CCDC40: variants seen among roughly 807,000 people sequenced by gnomAD.
The protein encoded by CCDC40 is coiled-coil domain 40 molecular ruler complex subunit.
CCDC40 carries 104 observed loss-of-function variants against 124.5 expected under a neutral mutation model. The observed-to-expected ratio is 0.84, with a 90% confidence interval of 0.71 to 0.98. CCDC40 has a LOEUF of 0.98. CCDC40 is among the 50% of genes least tolerant of loss of function. CCDC40 has a pLI of 0.00. For synonymous variants in CCDC40, 580 were observed against 602.9 expected, an observed-to-expected ratio of 0.96 and a Z score of 0.56; for missense variants, 1,463 against 1,503.9, an observed-to-expected ratio of 0.97 and a Z score of 0.45.
chr17:80,050,221 T>G lies in CCDC40; in HGVS notation c.1097T>G (p.Leu366Arg). 6.2e-7 allele frequency: 1 copy of G among 1,606,146 alleles called. No individual in the cohort carries two copies. Among genetic ancestry groups the G allele is most frequent in the Non-Finnish European group, 8.5e-7 (1 of 1,177,712 alleles). ...GAGCGCAGGCAGAAGGAGGAGGAGC[T>G]GCAGGCCGCCCGCGCTCTCTACACC... ...SSERRQKEEE[L>R]QAARALYTKT... The change falls in exon 7 of 20, where the codon CTG (leucine) becomes CGG (arginine). Residue 366 changes from leucine (L) to arginine (R), a missense_variant. Physicochemically the swap from Leu to Arg is moderately radical, Grantham distance 102. Coordinates refer to ENST00000397545, the MANE Select transcript of CCDC40 (RefSeq NM_017950.4).
chr17:80,039,227 C>A (rs2037208319), intron 2 of CCDC40, among the ~76,000 whole-genome samples: 1 of 151,918 alleles, frequency 6.6e-6, no homozygotes, highest in African/African-American at 2.4e-5. Context: ...ATTAACTGGG[C>A]ATGGTGGTAC....
At chr17:80,079,344 T>C (rs1205626092) in intron 10 of CCDC40, among the ~76,000 whole-genome samples, 1 of 152,198 alleles carries the variant, frequency 6.6e-6, no homozygotes, top group Non-Finnish European at 1.5e-5. Context: ...TTCATACATA[T>C]GCATTATTCT....
At chr17:80,090,833 T>C in intron 17 of CCDC40, 1 of 1,175,694 alleles carries the variant, frequency 8.5e-7, no homozygotes, top group Non-Finnish European at 1.1e-6. Context: ...TAGAAATTCC[T>C]CTGCTGAGTT....
chr17:80,076,059 A>C (rs1257932869), intron 10 of CCDC40, among the ~76,000 whole-genome samples: 1 of 152,084 alleles, frequency 6.6e-6, no homozygotes, highest in East Asian at 1.9e-4. Flanking sequence ...TGAAGATGCC[A>C]TGCGCATTGT....
chr17:80,046,665 A>T (rs2037428056), intron 3 of CCDC40, among the ~76,000 whole-genome samples: 1 of 152,008 alleles, frequency 6.6e-6, no homozygotes, highest in Admixed American at 6.6e-5. Flanking sequence ...CGCCTCGAGG[A>T]TGGGAAACCA....
intron 4 of CCDC40, 192 bp from the exon 5 acceptor site, chr17:80,048,391 T>G: frequency 1.6e-6 from 1 of 642,100 alleles, no homozygotes; most frequent in South Asian, 1.7e-5. Flanking sequence ...TTCTCTGGGA[T>G]GCATTGAGTC....
At chr17:80,080,937 C>T (rs1038465681) in intron 10 of CCDC40, among the ~76,000 whole-genome samples, 2 of 152,112 alleles carry the variant, frequency 1.3e-5, no homozygotes, top group Admixed American at 6.5e-5. Context: ...GTTCTCAACA[C>T]GAAGGAAGGA....
chr17:80,079,619 CAT>C (rs1330197464), intron 10 of CCDC40, among the ~76,000 whole-genome samples: 2 of 152,126 alleles, frequency 1.3e-5, no homozygotes, highest in Non-Finnish European at 1.5e-5. Context: ...TATCCACACA[CAT>C]TAAAAATAGA....
chr17:80,039,852 A>C lies in CCDC40; in HGVS notation c.134A>C (p.Glu45Ala). 8.1e-6 allele frequency: 13 copies of C among 1,614,014 alleles called. No homozygotes were observed. Among genetic ancestry groups the C allele is most frequent in the Non-Finnish European group, 1.1e-5 (13 of 1,179,982 alleles). ...PEKDDGQKGE[E>A]AVGSTEHPEE... ...AAGGATGATGGCCAGAAAGGTGAAG[A>C]AGCTGTCGGTAGCACAGAGCATCCT... The change falls in exon 3 of 20, where the codon GAA becomes GCA. Residue 45 changes from glutamate to alanine, a missense_variant. By Grantham distance (107) the Glu-to-Ala change is moderately radical. Coordinates refer to ENST00000397545, the MANE Select transcript of CCDC40 (RefSeq NM_017950.4).
Position 80,066,399 on chromosome 17 carries a change from A to T in CCDC40, c.1562+793A>T, listed in dbSNP as rs1432328927. 18 of 543,518 alleles carry T rather than the reference A, an allele frequency of 3.3e-5. No homozygotes were observed. In the East Asian group the frequency reaches 5.4e-4, roughly 16 times the overall value. The allele number at this position is 543,518 out of a possible 1,614,324, so 33.7% of individuals were successfully genotyped here. A position where few individuals can be genotyped will look rare whatever the true frequency, so the allele number is the denominator to read the frequency against. The stretch of plus-strand genomic sequence containing the variant: ...GTGCTGTGATTAAAGAAACAAAATG[A>T]AACCATTTTGTTTTTAAAAGTTTTT... On this transcript the variant is annotated intron_variant, in intron 10 of 19. Transcript: ENST00000397545. This position sits in a 1 kb window ranked among gnomAD's most constrained non-coding sequence, Gnocchi z 4.4.
chr17:80,081,271 GC>G (rs1287378821), intron 10 of CCDC40, among the ~76,000 whole-genome samples: 1 of 152,130 alleles, frequency 6.6e-6, no homozygotes, highest in African/African-American at 2.4e-5. Context: ...TGTAATCCCA[GC>G]CACTCAAGAG....
In CCDC40 at chr17:80,058,126, A is replaced by G. The variant is rs1168264332; in HGVS notation, c.1160-368A>G. Among the ~76,000 whole-genome samples, 1 of 152,108 alleles carries G rather than the reference A, an allele frequency of 6.6e-6. No individual in the cohort carries two copies. The highest frequency in any genetic ancestry group is 1.5e-5 in the Non-Finnish European group (1 of 68,010). On this transcript the variant is annotated intron_variant, in intron 7 of 19. Coordinates refer to ENST00000397545, the MANE Select transcript of CCDC40 (RefSeq NM_017950.4). The surrounding 1 kb of genome is among the most constrained non-coding windows in gnomAD (Gnocchi z 4.2). ...TCCCAGGGGACTTAAGACTCCACCT[A>G]AGGTTGCCAGCCTTTCAGTGGTAAG...
chr17:80,062,306 A>C (rs1198236516), intron 9 of CCDC40, among the ~76,000 whole-genome samples: 1 of 152,000 alleles, frequency 6.6e-6, no homozygotes, highest in Non-Finnish European at 1.5e-5. Flanking sequence ...TCTTATTTTA[A>C]TTTTTTTTAA....
chr17:80,070,582 C>A (rs139979509), intron 10 of CCDC40, among the ~76,000 whole-genome samples: 2 of 152,152 alleles, frequency 1.3e-5, no homozygotes, highest in Non-Finnish European at 2.9e-5. Context: ...GCCTGGGCAA[C>A]AGAGCAAGAC....
In CCDC40 at chr17:80,099,636, G is replaced by A. The variant is rs777500902; in HGVS notation, c.3290G>A (p.Arg1097His). ...TCCAAGCAGTCCCTAGTGCTGGAGC[G>A]CCAGCGCCTGGACAAGCGACTGGCT... Reference protein sequence around the residue: ...FRSKQSLVLERQRLDKRLALI... With the variant: ...FRSKQSLVLEHQRLDKRLALI... Residue 1097 changes from arginine to histidine, a missense_variant, in exon 20 of 20, where the codon CGC becomes CAC. Transcript: ENST00000397545. The A allele has an allele frequency of 2.4e-5, 39 of 1,611,052 alleles. No homozygotes were observed. In the East Asian group the frequency reaches 2.7e-4, roughly 11 times the overall value.
rs4889816 is a variant in CCDC40, at chr17:80,100,044, C to A, written c.*269C>A. The A allele has an allele frequency of 4.0e-6, 2 of 504,426 alleles. No individual in the cohort carries two copies. The highest frequency in any genetic ancestry group is 4.1e-5 in the South Asian group (2 of 48,346). The allele number at this position is 504,426 out of a possible 1,614,324, so 31.2% of individuals were successfully genotyped here. ...AGACCCACACACCCACACTCCCACA[C>A]TGGGCTTACTCGTCCAGGTAACACT... is the stretch of plus-strand genomic sequence containing the variant. On this transcript the variant is annotated 3_prime_UTR_variant, in exon 20 of 20. Transcript: ENST00000397545.
rs1233392607 is a variant in CCDC40, at chr17:80,095,424, G to A, written c.2994G>A (p.Leu998=). The change falls in exon 18 of 20, where the codon CTG becomes CTA. Residue 998 remains leucine, a synonymous_variant. Transcript: ENST00000397545. ...ACTTCCACCACAAGCAGCTTGAGCTGCGCCGGAAAATCAGGGACGTTCGCA... is the reference window on the plus strand; with the variant it reads ...ACTTCCACCACAAGCAGCTTGAGCTACGCCGGAAAATCAGGGACGTTCGCA... ...RTDFHHKQLE[L]RRKIRDVRKA... is the part of the protein sequence containing the mutation. 2 of 1,614,184 alleles carry A rather than the reference G, an allele frequency of 1.2e-6. No homozygotes were observed. Among genetic ancestry groups the A allele is most frequent in the Admixed American group, 3.3e-5 (2 of 60,028 alleles).
intron 7 of CCDC40, among the ~76,000 whole-genome samples, chr17:80,053,685 C>T (rs149865348): frequency 0.015 from 2,245 of 152,214 alleles, 56 homozygotes; most frequent in African/African-American, 0.052. Context: ...CTCCACCTCC[C>T]GGGTTCAAGC....
chr17:80,055,014 A>G (rs1331435776), intron 7 of CCDC40, among the ~76,000 whole-genome samples: 2 of 151,960 alleles, frequency 1.3e-5, no homozygotes, highest in Non-Finnish European at 2.9e-5. Context: ...ACAAAATACA[A>G]GGATAAAAAA....
Sources: gnomAD v4.1 joint callset for allele counts (sites outside exome capture counted in the v4.1 genomes callset) on GRCh38, gnomAD v4.1.1 for gene constraint, Gnocchi (gnomAD v3.1) non-coding constraint, MANE v1.5 for transcripts, NCBI Gene and HGNC (gene_info 2026-07-23, HGNC 2026-07-21) for gene names.